The following NUP188 variants were observed in gnomAD, a reference collection of about 807,000 sequenced individuals.
The protein encoded by NUP188 is nucleoporin 188, also known as nucleoporin NUP188.
NUP188 carries 97 observed loss-of-function variants against 223.0 expected under a neutral mutation model. The observed-to-expected ratio is 0.43, with a 90% CI of 0.37 to 0.51. The LOEUF is 0.51. NUP188 is among the 20% of genes least tolerant of loss of function. NUP188 has a pLI of 0.00. For synonymous variants in NUP188, 869 were observed against 828.0 expected, an observed-to-expected ratio of 1.05 and a Z score of -0.85; for missense variants, 1,947 against 2,175.6, an observed-to-expected ratio of 0.89 and a Z score of 2.09.
At chr9:128,960,714 C>T (rs1442086031) in intron 8 of NUP188, among the ~76,000 whole-genome samples, 9 of 152,034 alleles carry the variant, frequency 5.9e-5, no homozygotes, top group Non-Finnish European at 5.9e-5. Context: ...CGGTGGGAGG[C>T]CAAGGCAGGC....
At chr9:128,974,185 G>A (rs2131158506) in intron 12 of NUP188, among the ~76,000 whole-genome samples, 1 of 152,242 alleles carries the variant, frequency 6.6e-6, no homozygotes, top group South Asian at 2.1e-4. Context: ...TGGGATTACA[G>A]GTGTGAGCCA....
At position 128,987,578 on chromosome 9, in the gene NUP188, C is replaced by T. The variant is rs1206298258; in HGVS notation, c.2265-11C>T. 6 of 1,608,392 alleles carry T rather than the reference C, an allele frequency of 3.7e-6. No individual in the cohort carries two copies. Among genetic ancestry groups the T allele is most frequent in the Non-Finnish European group, 5.1e-6 (6 of 1,177,496 alleles). On this transcript the variant is annotated splice_polypyrimidine_tract_variant and intron_variant, in intron 22 of 43. Transcript: ENST00000372577. ...GGCTCCCTGGTAACTCAGAATACCTCTGTCTTCCAGTCATACTCCCAGCCT... is the reference window on the plus strand; with the variant it reads ...GGCTCCCTGGTAACTCAGAATACCTTTGTCTTCCAGTCATACTCCCAGCCT...
chr9:128,983,870 G>T (rs1842292142), intron 19 of NUP188, among the ~76,000 whole-genome samples: 1 of 152,090 alleles, frequency 6.6e-6, no homozygotes, highest in East Asian at 1.9e-4. Context: ...ACCGAGGCCA[G>T]AGTGCAGTGG....
At chr9:128,998,264 G>C in intron 31 of NUP188, 36 bp downstream of exon 31, 1 of 1,558,658 alleles carries the variant, frequency 6.4e-7, no homozygotes, top group Non-Finnish European at 8.9e-7. Context: ...TTTCTCCCAG[G>C]GAGGTTGTCT....
intron 8 of NUP188, among the ~76,000 whole-genome samples, chr9:128,960,258 TG>T (rs1424418422): frequency 1.3e-5 from 2 of 150,620 alleles, no homozygotes; most frequent in Admixed American, 6.6e-5. Context: ...TTTTGTTTTT[TG>T]TTTTTTTTTA....
Position 129,006,599 on chromosome 9 carries a change from C to G in NUP188, c.5171C>G (p.Ser1724Cys), listed in dbSNP as rs770612603. 2.5e-5 allele frequency: 41 copies of G among 1,614,214 alleles called. No homozygotes were observed. Among genetic ancestry groups the G allele is most frequent in the Non-Finnish European group, 3.3e-5 (39 of 1,180,042 alleles). The part of the protein sequence containing the change: ...VLPSPQGKST[S>C]LSKASPESQE... The stretch of plus-strand genomic sequence containing the variant: ...CCCTCGCCGCAGGGCAAGTCCACCT[C>G]TCTCTCCAAAGCCAGCCCTGAGAGT... The change falls in exon 44 of 44, where the codon TCT becomes TGT. Residue 1724 changes from serine to cysteine, a missense_variant. Coordinates refer to ENST00000372577, the MANE Select transcript of NUP188 (RefSeq NM_015354.3).
In NUP188 at chr9:128,987,088, A is replaced by T. The variant is rs4618803; in HGVS notation, c.2264+213A>T. The stretch of plus-strand genomic sequence containing the variant: ...ATGAGAGAGAGAGAGAGAGAGAGAG[A>T]GTGTGTGTGTGTGTGTGTGTGTGTG... On this transcript the variant is annotated intron_variant, in intron 22 of 43. Coordinates refer to ENST00000372577, the MANE Select transcript of NUP188 (RefSeq NM_015354.3). 0.12 allele frequency among the ~76,000 whole-genome samples: 14,059 copies of T among 112,690 alleles called. 977 individuals are homozygous for T. Among genetic ancestry groups the T allele is most frequent in the East Asian group, 0.31 (1,118 of 3,592 alleles). 73.9% of individuals were successfully genotyped at this position (112,690 alleles called of 152,430 possible).
chr9:128,992,541 G>C (rs1842450647), intron 25 of NUP188, among the ~76,000 whole-genome samples: 1 of 152,154 alleles, frequency 6.6e-6, no homozygotes, highest in African/African-American at 2.4e-5. Flanking sequence ...TACCATATCA[G>C]GCAGTCTTGA....
chr9:128,996,455 T>C (rs903982434), intron 30 of NUP188, among the ~76,000 whole-genome samples: 1 of 152,160 alleles, frequency 6.6e-6, no homozygotes, highest in Non-Finnish European at 1.5e-5. Context: ...TGGCCCAGAT[T>C]AATCTTTTGA....
Position 128,999,718 on chromosome 9 carries a change from T to G in NUP188, c.3756T>G (p.Ser1252Arg). 6.2e-7 allele frequency: 1 copy of G among 1,614,230 alleles called. No homozygotes were observed. Among genetic ancestry groups the G allele is most frequent in the Non-Finnish European group, 8.5e-7 (1 of 1,180,048 alleles). The part of the protein sequence containing the change: ...VIALFDQTRH[S>R]LALGSATEDK... ...CACTCTTCGACCAGACCCGCCACAG[T>G]CTGGCATTAGGCAGTGCCACAGAGG... Residue 1252 changes from serine to arginine, a missense_variant, in exon 34 of 44, where the codon AGT (serine) becomes AGG (arginine). Ser to Arg is a moderately radical substitution (Grantham distance 110, BLOSUM62 -1). Around this residue, in one of 3 missense-constraint regions of NUP188, gnomAD observed 905 missense variants for 990.6 expected, o/e 0.91. Transcript: ENST00000372577.
intron 34 of NUP188, among the ~76,000 whole-genome samples, chr9:129,001,009 C>G (rs1222303498): frequency 6.6e-6 from 1 of 152,112 alleles, no homozygotes; most frequent in Non-Finnish European, 1.5e-5. Flanking sequence ...TGCACTCCAG[C>G]CTGGGGGACA....
At chr9:128,951,166 G>A (rs777986620) in intron 2 of NUP188, among the ~76,000 whole-genome samples, 3 of 152,058 alleles carry the variant, frequency 2.0e-5, no homozygotes, top group African/African-American at 4.8e-5. Flanking sequence ...AAATTAGCCC[G>A]GTGTGGTGGT....
chr9:129,002,751 G>A (rs2131195507), intron 36 of NUP188, 66 bp from the exon 37 acceptor site: 9 of 1,529,398 alleles, frequency 5.9e-6, no homozygotes, highest in Non-Finnish European at 8.0e-6. Context: ...TGCCTTAGTT[G>A]CTGTACTACA....
chr9:128,985,029 T>G lies in NUP188; in HGVS notation c.2076+15T>G. ...CCCTTGTCAAGGTACAGTCTGATTT[T>G]GTTCACAAAGGGCAGAAAAAGAAAA... On this transcript the variant is annotated intron_variant, in intron 20 of 43. Coordinates refer to ENST00000372577, the MANE Select transcript of NUP188 (RefSeq NM_015354.3). 1 of 1,584,260 alleles carries G rather than the reference T, an allele frequency of 6.3e-7. No homozygotes were observed. Among genetic ancestry groups the G allele is most frequent in the Non-Finnish European group, 8.7e-7 (1 of 1,155,184 alleles).
chr9:128,999,592 C>T (rs935414148), intron 33 of NUP188, 32 bp from the exon 34 acceptor site: 2 of 1,597,342 alleles, frequency 1.3e-6, no homozygotes, highest in Middle Eastern at 1.7e-4. Flanking sequence ...GCCTGGTGAG[C>T]ATGACAGTGT....
Position 128,984,946 on chromosome 9 carries a change from A to AGT in NUP188, c.2010_2011dup (p.Glu671ValfsTer17). ...AGGGTACGGAAACCTCTTGATGAACAGTGAACAGCCTCAGGGCGAGTATGG... is the reference window on the plus strand; with the variant it reads ...AGGGTACGGAAACCTCTTGATGAACAGTGTGAACAGCCTCAGGGCGAGTATGG... On this transcript the variant is annotated frameshift_variant, in exon 20 of 44. Coordinates refer to ENST00000372577, the MANE Select transcript of NUP188 (RefSeq NM_015354.3). LOFTEE classifies it high-confidence loss of function. The AGT allele has an allele frequency of 1.2e-6, 2 of 1,614,020 alleles. No individual in the cohort carries two copies. Among genetic ancestry groups the AGT allele is most frequent in the Non-Finnish European group, 1.7e-6 (2 of 1,179,964 alleles).
At chr9:128,987,338 A>T (rs535450551) in intron 22 of NUP188, among the ~76,000 whole-genome samples, 2 of 152,174 alleles carry the variant, frequency 1.3e-5, no homozygotes, top group East Asian at 3.9e-4. Flanking sequence ...GCATTCCATC[A>T]TATGGATTAA....
intron 22 of NUP188, among the ~76,000 whole-genome samples, chr9:128,987,088 A>AGAGTGTGTGTGTGTGT (rs1450678206): frequency 1.1e-4 from 13 of 113,344 alleles, no homozygotes; most frequent in Admixed American, 3.5e-4. Context: ...AGAGAGAGAG[A>AGAGTGTGTGTGTGTGT]GTGTGTGTGT....
At chr9:128,983,954 A>G (rs1842293137) in intron 19 of NUP188, among the ~76,000 whole-genome samples, 1 of 151,106 alleles carries the variant, frequency 6.6e-6, no homozygotes, top group African/African-American at 2.4e-5. Flanking sequence ...CCCGGTAGCC[A>G]GGATTACAGA....
Sources: allele counts gnomAD v4.1 joint callset (sites outside exome capture counted in the v4.1 genomes callset), GRCh38; gene constraint gnomAD v4.1.1; regional missense constraint gnomAD v4.1.1; transcripts MANE v1.5; gene names NCBI Gene and HGNC (gene_info 2026-07-23, HGNC 2026-07-21).